The following PI4KA variants were observed in gnomAD, a reference collection of about 807,000 sequenced individuals.
PI4KA encodes the protein phosphatidylinositol 4-kinase alpha, also known as PI4-kinase alpha.
Under a neutral mutation model 271.4 loss-of-function variants are expected in PI4KA, and 122 were observed. The ratio of observed to expected loss-of-function variants is 0.45; its 90% confidence interval spans 0.39 to 0.52. PI4KA has a LOEUF of 0.52. Among genes scored for constraint, PI4KA ranks in the 20% least tolerant of loss-of-function variants. The pLI is 0.00. For missense variants in PI4KA, 1,969 were observed against 2,769.1 expected, an observed-to-expected ratio of 0.71 and a Z score of 6.48; for synonymous variants, 1,041 against 1,078.8, an observed-to-expected ratio of 0.96 and a Z score of 0.69.
Position 20,753,153 on chromosome 22 carries a change from G to C in PI4KA, c.2819C>G (p.Ala940Gly). The stretch of plus-strand genomic sequence containing the variant: ...CAGGAAGGCATCGAATACTTTGTCC[G>C]CGACTGCAATCACACACTGCATCAT... ...SGMMQCVIAVADKVFDAFLNM... is the reference protein window; with the variant it reads ...SGMMQCVIAVGDKVFDAFLNM... The change falls in exon 24 of 55, where the codon GCG (alanine) becomes GGG (glycine). Residue 940 changes from alanine to glycine, a missense_variant. By Grantham distance (60) the Ala-to-Gly change is moderately conservative (BLOSUM62 0). This residue lies in a region of PI4KA where 368 missense variants were observed against 544.3 expected (regional missense o/e 0.68). Coordinates refer to ENST00000255882, the MANE Select transcript of PI4KA (RefSeq NM_058004.4). 6.2e-7 allele frequency: 1 copy of C among 1,613,366 alleles called. No individual in the cohort carries two copies. Among genetic ancestry groups the C allele is most frequent in the Non-Finnish European group, 8.5e-7 (1 of 1,180,018 alleles).
chr22:20,830,500 G>A (rs2147743970), intron 3 of PI4KA, among the ~76,000 whole-genome samples: 1 of 152,264 alleles, frequency 6.6e-6, no homozygotes, highest in Middle Eastern at 3.4e-3. Flanking sequence ...TTGCTTGGCA[G>A]ATTTTTTTCA....
At chr22:20,846,662 G>A (rs1926296526) in intron 1 of PI4KA, among the ~76,000 whole-genome samples, 2 of 151,716 alleles carry the variant, frequency 1.3e-5, no homozygotes, top group Non-Finnish European at 2.9e-5. Flanking sequence ...GGTCAATATG[G>A]TGAAACCCCA....
At chr22:20,798,999 G>C (rs955277617) in intron 16 of PI4KA, 94 bp downstream of exon 16, 1 of 1,014,006 alleles carries the variant, frequency 9.9e-7, no homozygotes, top group African/African-American at 1.6e-5. Flanking sequence ...TCATCTGCAA[G>C]GTATATTTAA....
chr22:20,712,449 C>T (rs1355921778), intron 50 of PI4KA, 37 bp downstream of exon 50: 2 of 1,603,438 alleles, frequency 1.2e-6, no homozygotes, highest in Non-Finnish European at 1.7e-6. Flanking sequence ...GGGTGGAGCA[C>T]ACACGACCTC....
chr22:20,731,746 G>A (rs1173333832), intron 36 of PI4KA, among the ~76,000 whole-genome samples: 2 of 152,056 alleles, frequency 1.3e-5, no homozygotes, highest in Non-Finnish European at 2.9e-5. Flanking sequence ...TGGCTAACAC[G>A]GTGAAACCCC....
intron 3 of PI4KA, among the ~76,000 whole-genome samples, chr22:20,825,253 A>G (rs564648309): frequency 7.9e-5 from 12 of 152,176 alleles, no homozygotes; most frequent in African/African-American, 2.6e-4. Context: ...GCCCGGCCTA[A>G]AATTTGACCT....
chr22:20,733,624 A>T (rs987647082), intron 35 of PI4KA, 112 bp downstream of exon 35: 14 of 1,568,038 alleles, frequency 8.9e-6, no homozygotes, highest in Non-Finnish European at 1.2e-5. Flanking sequence ...TGGTGAGCAC[A>T]ACTGGGCAAC....
At chr22:20,732,905 G>A in intron 36 of PI4KA, 66 bp downstream of exon 36, 5 of 1,599,390 alleles carry the variant, frequency 3.1e-6, no homozygotes, top group Non-Finnish European at 4.3e-6. Context: ...GCACCCTCGG[G>A]GCAGCCCACG....
chr22:20,803,284 C>T lies in PI4KA; in HGVS notation c.1498G>A (p.Val500Met), dbSNP rs760722639. 6.2e-7 allele frequency: 1 copy of T among 1,614,112 alleles called. No homozygotes were observed. Among genetic ancestry groups the T allele is most frequent in the East Asian group, 2.2e-5 (1 of 44,872 alleles). Residue 500 changes from valine (V) to methionine (M), a missense_variant, in exon 13 of 55, where the codon GTG becomes ATG. Val to Met is a conservative substitution (Grantham distance 21). Transcript: ENST00000255882. ...CGCAAGGACGGTGTCACAGAGTGCA[C>T]CACCACCGGGAACCTCTCGCACAGG... Reference protein sequence around the residue: ...GRLCERFPVVVHSVTPSLRDF... With the variant: ...GRLCERFPVVMHSVTPSLRDF...
Position 20,742,251 on chromosome 22 carries a change from C to T in PI4KA, c.3718G>A (p.Gly1240Ser). ...ALACWEWLLA[G>S]KDGVEVPFMR... ...ACCGGCACTTCCACTCCATCCTTGC[C>T]AGCCAGCAGCCACTCCCAGCAGGCC... The change falls in exon 32 of 55, where the codon GGC becomes AGC. Residue 1240 changes from glycine (G) to serine (S), a missense_variant. This residue lies in a region of PI4KA where 203 missense variants were observed against 256.8 expected (regional missense o/e 0.79). Transcript: ENST00000255882. The T allele has an allele frequency of 6.2e-7, 1 of 1,614,178 alleles. No individual in the cohort carries two copies. The highest frequency in any genetic ancestry group is 8.5e-7 in the Non-Finnish European group (1 of 1,180,014).
At chr22:20,713,163 A>G in intron 48 of PI4KA, 118 bp downstream of exon 48, 2 of 842,908 alleles carry the variant, frequency 2.4e-6, no homozygotes, top group Non-Finnish European at 3.9e-6. Flanking sequence ...CACCTGAACC[A>G]TATAAGAGAA....
Position 20,796,290 on chromosome 22 carries a change from A to T in PI4KA, c.2133T>A (p.Asn711Lys). 1.2e-6 allele frequency: 2 copies of T among 1,613,970 alleles called. No individual in the cohort carries two copies. Among genetic ancestry groups the T allele is most frequent in the Non-Finnish European group, 1.7e-6 (2 of 1,179,934 alleles). The change falls in exon 18 of 55, where the codon AAT becomes AAA. Residue 711 changes from asparagine (N) to lysine (K), a missense_variant. By Grantham distance (94) the Asn-to-Lys change is moderately conservative. Transcript: ENST00000255882. ...GYRHCSLAVI[N>K]ALANIAANIQ... ...TGTTGGCCGCGATGTTGGCCAGGGC[A>T]TTAATCACTGCCAGGGAGCAATGCC... is the stretch of plus-strand genomic sequence containing the variant.
intron 2 of PI4KA, 127 bp from the exon 3 acceptor site, chr22:20,834,782 TA>T (rs1924648192): frequency 4.7e-6 from 3 of 635,428 alleles, no homozygotes; most frequent in African/African-American, 3.7e-5. Flanking sequence ...TCTCCAGGGA[TA>T]ATGTAAAGTG....
At chr22:20,720,959 T>C (rs1162228891) in intron 43 of PI4KA, among the ~76,000 whole-genome samples, 1 of 152,186 alleles carries the variant, frequency 6.6e-6, no homozygotes, top group East Asian at 1.9e-4. Context: ...GCTGTGCTAT[T>C]TGGGAACCGC....
At chr22:20,758,364 C>CA (rs3042105) in intron 23 of PI4KA, among the ~76,000 whole-genome samples, 558 of 43,192 alleles carry the variant, frequency 0.013, 27 homozygotes, top group Middle Eastern at 0.019. Flanking sequence ...GACTCTGTCT[C>CA]AAAAAAAAAA....
chr22:20,834,821 T>C (rs758858023), intron 2 of PI4KA, among the ~76,000 whole-genome samples, 166 bp from the exon 3 acceptor site: 1 of 152,228 alleles, frequency 6.6e-6, no homozygotes, highest in Non-Finnish European at 1.5e-5. Context: ...CATCACTCCA[T>C]TCCTGTTTTC....
At chr22:20,788,756 T>C (rs1020105295) in intron 19 of PI4KA, among the ~76,000 whole-genome samples, 3 of 152,182 alleles carry the variant, frequency 2.0e-5, no homozygotes, top group Non-Finnish European at 4.4e-5. Flanking sequence ...TTTTCTGTCA[T>C]TCTCCAAACT....
intron 8 of PI4KA, among the ~76,000 whole-genome samples, chr22:20,812,712 T>A (rs1353001170): frequency 1.3e-5 from 2 of 152,128 alleles, no homozygotes; most frequent in Non-Finnish European, 2.9e-5. Context: ...CACTACCATG[T>A]ACAGCTAAAG....
intron 13 of PI4KA, 111 bp downstream of exon 13, chr22:20,803,080 A>G: frequency 2.8e-6 from 3 of 1,085,256 alleles, no homozygotes; most frequent in Non-Finnish European, 2.8e-6. Flanking sequence ...GACAGAAGGA[A>G]AGGTGTGGCG....
Sources: allele counts gnomAD v4.1 joint callset (sites outside exome capture counted in the v4.1 genomes callset), GRCh38; gene constraint gnomAD v4.1.1; regional missense constraint gnomAD v4.1.1; transcripts MANE v1.5; gene names NCBI Gene and HGNC (gene_info 2026-07-23, HGNC 2026-07-21).